The following PPA2 variants were observed in gnomAD, a reference collection of about 807,000 sequenced individuals.
PPA2 encodes the protein inorganic pyrophosphatase 2, also known as inorganic pyrophosphatase 2, mitochondrial.
Under a neutral mutation model 49.5 loss-of-function variants are expected in PPA2, and 48 were observed. The observed-to-expected ratio is 0.97, with a 90% CI of 0.77 to 1.23. The LOEUF (loss-of-function observed/expected upper bound fraction) is 1.23. PPA2 is among the 50% of genes most tolerant of loss of function. The pLI is 0.00. For missense variants in PPA2, 429 were observed against 410.1 expected (o/e 1.05, Z -0.40); for synonymous variants, 131 against 139.9 (o/e 0.94, Z 0.45).
intron 7 of PPA2, among the ~76,000 whole-genome samples, chr4:105,418,096 G>A (rs1202195090): frequency 1.3e-5 from 2 of 152,194 alleles, no homozygotes; most frequent in Non-Finnish European, 2.9e-5. Flanking sequence ...TTCTTCTTAG[G>A]CATATTGCAA....
chr4:105,390,970 T>A (rs1380616823), intron 9 of PPA2, among the ~76,000 whole-genome samples: 1 of 152,102 alleles, frequency 6.6e-6, no homozygotes, highest in African/African-American at 2.4e-5. Context: ...ATAAAGAAGA[T>A]GTGGTACATA....
intron 10 of PPA2, 145 bp from the exon 11 acceptor site, chr4:105,371,018 C>A: frequency 1.4e-6 from 1 of 692,074 alleles, no homozygotes; most frequent in Non-Finnish European, 2.0e-6. Flanking sequence ...TTCCCCTTTG[C>A]TTTTCATTAT....
intron 9 of PPA2, among the ~76,000 whole-genome samples, chr4:105,388,661 T>C (rs965664779): frequency 2.7e-4 from 41 of 151,768 alleles, no homozygotes; most frequent in African/African-American, 9.9e-4. Flanking sequence ...CCCATCTCTA[T>C]TATAAATACA....
chr4:105,399,119 G>A lies in PPA2; in HGVS notation c.701C>T (p.Thr234Ile). The change falls in exon 8 of 12, where the codon ACT becomes ATT. Residue 234 changes from threonine to isoleucine, a missense_variant. Coordinates refer to ENST00000341695, the MANE Select transcript of PPA2 (RefSeq NM_176869.3). ...KKFKPGYLEA[T>I]LNWFRLYKVP... ...CTTATATAATCTAAACCAATTAAGAGTAGCTTCCAGGTAACCCGGTTTGAA... is the reference window on the plus strand; with the variant it reads ...CTTATATAATCTAAACCAATTAAGAATAGCTTCCAGGTAACCCGGTTTGAA... 1.2e-6 allele frequency: 2 copies of A among 1,609,854 alleles called. No homozygotes were observed. Among genetic ancestry groups the A allele is most frequent in the South Asian group, 1.1e-5 (1 of 89,836 alleles).
intron 7 of PPA2, among the ~76,000 whole-genome samples, chr4:105,404,848 G>A (rs1038174258): frequency 1.3e-5 from 2 of 152,224 alleles, no homozygotes; most frequent in African/African-American, 2.4e-5. Context: ...TTGGGAGGCC[G>A]AGGCGGGCAG....
intron 7 of PPA2, among the ~76,000 whole-genome samples, chr4:105,418,797 C>T (rs1246681871): frequency 2.0e-5 from 3 of 152,202 alleles, no homozygotes. Context: ...ATTAGCTCCT[C>T]GTGACATTAG....
At chr4:105,420,414 CT>C (rs1350683156) in intron 7 of PPA2, among the ~76,000 whole-genome samples, 2 of 152,134 alleles carry the variant, frequency 1.3e-5, no homozygotes, top group Admixed American at 1.3e-4. Context: ...CAAGGATTTA[CT>C]TTTTAAATGC....
rs573841018 is a variant in PPA2, at chr4:105,380,499, C to T, written c.939+6068G>A. Among the ~76,000 whole-genome samples the T allele has an allele frequency of 4.7e-4, 72 of 152,172 alleles. 1 individual carries two copies. The South Asian group carries it at 0.013, about 28-fold the overall frequency. On this transcript the variant is annotated intron_variant, in intron 10 of 11. Transcript: ENST00000341695. Reference sequence around the variant, plus strand: ...CTGGGCATATAAATTTTTTAAATCACGAAGTACTTCAAACATATTCTGTAT... The same window carrying T: ...CTGGGCATATAAATTTTTTAAATCATGAAGTACTTCAAACATATTCTGTAT...
intron 2 of PPA2, 71 bp downstream of exon 2, chr4:105,456,610 G>C: frequency 7.8e-7 from 1 of 1,281,472 alleles, no homozygotes; most frequent in South Asian, 1.4e-5. Flanking sequence ...CTTTCAAGGT[G>C]CTTCCAAAAA....
At position 105,424,417 on chromosome 4, in the gene PPA2, T is replaced by C. The variant is rs1723396538; in HGVS notation, c.529-95A>G. Reference sequence around the variant, plus strand: ...ATAAAAGATTAAAAGAACTACAGACTGAAATGTAACAAAGCCTCAATAATT... The same window carrying C: ...ATAAAAGATTAAAAGAACTACAGACCGAAATGTAACAAAGCCTCAATAATT... On this transcript the variant is annotated intron_variant, in intron 6 of 11. Coordinates refer to ENST00000341695, the MANE Select transcript of PPA2 (RefSeq NM_176869.3). 3 of 1,125,636 alleles carry C rather than the reference T, an allele frequency of 2.7e-6. No homozygotes were observed. In the African/African-American group the frequency reaches 4.9e-5, roughly 18 times the overall value. 69.7% of individuals were successfully genotyped at this position (1,125,636 alleles called of 1,614,324 possible).
chr4:105,397,074 A>G (rs1372336007), intron 8 of PPA2, among the ~76,000 whole-genome samples: 1 of 152,218 alleles, frequency 6.6e-6, no homozygotes, highest in East Asian at 1.9e-4. Flanking sequence ...TTGCTTTATA[A>G]TTCCAAAGCA....
intron 7 of PPA2, chr4:105,406,989 GATAA>G (rs777453131): frequency 9.3e-5 from 14 of 151,186 alleles, no homozygotes; most frequent in Non-Finnish European, 1.3e-4. Context: ...GATTATTTTA[GATAA>G]ATAGCACATA....
At chr4:105,413,810 TC>T (rs1722874317) in intron 7 of PPA2, among the ~76,000 whole-genome samples, 1 of 152,200 alleles carries the variant, frequency 6.6e-6, no homozygotes, top group Admixed American at 6.5e-5. Context: ...AAAACATCTT[TC>T]TGACCAAGAG....
intron 7 of PPA2, among the ~76,000 whole-genome samples, chr4:105,415,551 T>C (rs1241176945): frequency 6.6e-6 from 1 of 152,134 alleles, no homozygotes; most frequent in African/African-American, 2.4e-5. Context: ...CAGAGGTGGG[T>C]GGGGGCTTCT....
At chr4:105,449,025 C>T (rs920712323) in intron 4 of PPA2, among the ~76,000 whole-genome samples, 2 of 126,246 alleles carry the variant, frequency 1.6e-5, no homozygotes, top group South Asian at 2.2e-4. Context: ...GAGACCATCC[C>T]GGCTAAAACG....
intron 10 of PPA2, among the ~76,000 whole-genome samples, chr4:105,378,886 T>G (rs1331656977): frequency 6.6e-6 from 1 of 152,188 alleles, no homozygotes; most frequent in Non-Finnish European, 1.5e-5. Flanking sequence ...ATGCCATTAC[T>G]ATATTCTCTT....
intron 7 of PPA2, among the ~76,000 whole-genome samples, chr4:105,400,730 T>A (rs1734331034): frequency 6.6e-6 from 1 of 152,226 alleles, no homozygotes; most frequent in Admixed American, 6.5e-5. Context: ...CATATAACTT[T>A]TGTATGATTT....
intron 10 of PPA2, 37 bp downstream of exon 10, chr4:105,386,530 A>G (rs1263254771): frequency 3.8e-6 from 6 of 1,564,212 alleles, no homozygotes; most frequent in Non-Finnish European, 5.3e-6. Context: ...TATGACATTT[A>G]TAAGATTAAA....
chr4:105,392,312 T>A (rs544461020), intron 9 of PPA2, among the ~76,000 whole-genome samples: 1 of 151,560 alleles, frequency 6.6e-6, no homozygotes, highest in East Asian at 1.9e-4. Context: ...TTTCAAGGTA[T>A]CAATGAAAAG....
Sources: gnomAD v4.1 joint callset for allele counts (sites outside exome capture counted in the v4.1 genomes callset) on GRCh38, gnomAD v4.1.1 for gene constraint, MANE v1.5 for transcripts, NCBI Gene and HGNC (gene_info 2026-07-23, HGNC 2026-07-21) for gene names.